The following PBX1 variants were observed in gnomAD, a reference collection of about 807,000 sequenced individuals.
The protein encoded by PBX1 is pre-B-cell leukemia transcription factor 1.
Under a neutral mutation model 53.4 loss-of-function variants are expected in PBX1, and 6 were observed. The observed-to-expected ratio is 0.11, with a 90% CI of 0.06 to 0.22. The LOEUF (loss-of-function observed/expected upper bound fraction) is 0.22, where lower values mean the gene tolerates loss of function less well. Ranked by LOEUF, PBX1 falls within the 10% of genes least tolerant of loss-of-function variation. PBX1 has a pLI of 1.00. For synonymous variants in PBX1, 204 were observed against 212.3 expected, an observed-to-expected ratio of 0.96 and a Z score of 0.34; for missense variants, 251 against 551.4, an observed-to-expected ratio of 0.46 and a Z score of 5.46.
intron 2 of PBX1, among the ~76,000 whole-genome samples, chr1:164,782,920 C>G (rs1200581867): frequency 6.6e-6 from 1 of 152,176 alleles, no homozygotes; most frequent in Non-Finnish European, 1.5e-5. Context: ...CATGCTTCCT[C>G]AAACCTTTGA....
chr1:164,679,480 A>G (rs1275932081), intron 2 of PBX1, among the ~76,000 whole-genome samples: 2 of 152,120 alleles, frequency 1.3e-5, no homozygotes, highest in Non-Finnish European at 2.9e-5. Flanking sequence ...AGGTGATGGG[A>G]CACAGTGTAT....
At chr1:164,633,420 G>C (rs1422552406) in intron 2 of PBX1, among the ~76,000 whole-genome samples, 3 of 152,172 alleles carry the variant, frequency 2.0e-5, no homozygotes, top group Non-Finnish European at 4.4e-5. Context: ...AAAGTGCTAG[G>C]ATTACAGGCG....
At chr1:164,734,900 T>C (rs530139308) in intron 2 of PBX1, among the ~76,000 whole-genome samples, 2 of 152,174 alleles carry the variant, frequency 1.3e-5, no homozygotes, top group Admixed American at 6.5e-5. Flanking sequence ...AGAGATAATA[T>C]TATGACTTAT....
chr1:164,745,845 A>G (rs1422116682), intron 2 of PBX1, among the ~76,000 whole-genome samples: 1 of 152,148 alleles, frequency 6.6e-6, no homozygotes, highest in African/African-American at 2.4e-5. Flanking sequence ...AACGTAACTG[A>G]CCTGACATTG....
At chr1:164,803,204 C>T (rs1669173119) in intron 4 of PBX1, among the ~76,000 whole-genome samples, 1 of 152,232 alleles carries the variant, frequency 6.6e-6, no homozygotes, top group South Asian at 2.1e-4. Context: ...GAAAAAAGTG[C>T]ATATAAAGGT....
At chr1:164,699,523 T>G (rs1361437823) in intron 2 of PBX1, among the ~76,000 whole-genome samples, 1 of 152,084 alleles carries the variant, frequency 6.6e-6, no homozygotes, top group African/African-American at 2.4e-5. Flanking sequence ...GAACAGGGTG[T>G]CACACATGTG....
intron 8 of PBX1, among the ~76,000 whole-genome samples, chr1:164,823,217 C>T (rs979928881): frequency 5.3e-5 from 8 of 152,096 alleles, no homozygotes; most frequent in African/African-American, 1.9e-4. Flanking sequence ...ACTACATTAA[C>T]TATTAGTACT....
intron 2 of PBX1, among the ~76,000 whole-genome samples, chr1:164,632,682 T>TA (rs1406828155): frequency 1.3e-5 from 2 of 152,262 alleles, no homozygotes; most frequent in East Asian, 3.9e-4. Context: ...CCAGCACACT[T>TA]ATATCTAGGC....
At chr1:164,582,571 T>C (rs1473225454) in intron 2 of PBX1, among the ~76,000 whole-genome samples, 1 of 151,990 alleles carries the variant, frequency 6.6e-6, no homozygotes, top group African/African-American at 2.4e-5. Context: ...TACAGGCACA[T>C]GCCACCACAC....
At chr1:164,629,721 T>G (rs1045265919) in intron 2 of PBX1, among the ~76,000 whole-genome samples, 4 of 152,240 alleles carry the variant, frequency 2.6e-5, no homozygotes, top group Non-Finnish European at 5.9e-5. Flanking sequence ...CTGCAACATT[T>G]CTGTAAAAAG....
Position 164,627,372 on chromosome 1 carries a change from G to C in PBX1, c.265+64061G>C, listed in dbSNP as rs150208830. On this transcript the variant is annotated intron_variant, in intron 2 of 8. Coordinates refer to ENST00000420696, the MANE Select transcript of PBX1 (RefSeq NM_002585.4). The stretch of plus-strand genomic sequence containing the variant: ...ATAAATGCTCTATTGATTTTTGAGT[G>C]TGTTGGTACCGATGTGTGGCCGGCA... Among the ~76,000 whole-genome samples, 540 of 152,254 alleles carry C rather than the reference G, an allele frequency of 3.5e-3. 4 individuals carry two copies. The highest frequency in any genetic ancestry group is 0.013 in the African/African-American group (520 of 41,552).
rs879536890 is a variant in PBX1, at chr1:164,559,303, C to A, written c.-520C>A. Reference sequence around the variant, plus strand: ...ATCTGGCTTTTGCAACAGCCCACCCCCTTTGAGATCACTCTGGCCCGGAGT... The same window carrying A: ...ATCTGGCTTTTGCAACAGCCCACCCACTTTGAGATCACTCTGGCCCGGAGT... On this transcript the variant is annotated 5_prime_UTR_variant, in exon 1 of 9. Transcript: ENST00000420696. 11 of 195,298 alleles carry A rather than the reference C, an allele frequency of 5.6e-5. No individual in the cohort carries two copies. Among genetic ancestry groups the A allele is most frequent in the Admixed American group, 1.2e-4 (2 of 16,324 alleles). 12.1% of individuals were successfully genotyped at this position (195,298 alleles called of 1,614,324 possible). A position where few individuals can be genotyped will look rare whatever the true frequency, so the allele number is the denominator to read the frequency against.
intron 2 of PBX1, among the ~76,000 whole-genome samples, chr1:164,779,201 T>C (rs762682926): frequency 2.6e-5 from 4 of 151,896 alleles, no homozygotes; most frequent in Non-Finnish European, 5.9e-5. Flanking sequence ...ATTTAGTTCT[T>C]CTCTACCACA....
chr1:164,754,798 C>G (rs905057031), intron 2 of PBX1, among the ~76,000 whole-genome samples: 1 of 152,026 alleles, frequency 6.6e-6, no homozygotes, highest in African/African-American at 2.4e-5. Context: ...TACTCCAGCT[C>G]CTCTGAAGTT....
intron 2 of PBX1, among the ~76,000 whole-genome samples, chr1:164,603,929 AT>A (rs71583414): frequency 1.7e-3 from 128 of 75,692 alleles, no homozygotes; most frequent in African/African-American, 7.5e-3. Context: ...ATGTCATTTC[AT>A]TTTTTTTTTT....
chr1:164,863,368 C>A (rs1298463408), intron 2 of PBX1, among the ~76,000 whole-genome samples: 1 of 152,134 alleles, frequency 6.6e-6, no homozygotes, highest in African/African-American at 2.4e-5. Context: ...AGGTATTGTT[C>A]CTCTAATCAA....
chr1:164,668,672 C>T (rs759858015), intron 2 of PBX1, among the ~76,000 whole-genome samples: 1 of 152,212 alleles, frequency 6.6e-6, no homozygotes, highest in African/African-American at 2.4e-5. Context: ...CTTCCCCAGG[C>T]GCAGCCAACA....
chr1:164,690,827 G>C (rs1662428986), intron 2 of PBX1, among the ~76,000 whole-genome samples: 1 of 151,588 alleles, frequency 6.6e-6, no homozygotes, highest in Non-Finnish European at 1.5e-5. Flanking sequence ...TGACAACACA[G>C]GTAGACTAGG....
intron 2 of PBX1, among the ~76,000 whole-genome samples, chr1:164,599,679 G>A (rs1656030832): frequency 6.6e-6 from 1 of 152,128 alleles, no homozygotes; most frequent in South Asian, 2.1e-4. Flanking sequence ...CTCATTTCTT[G>A]CTCTGTTATA....
Sources: allele counts gnomAD v4.1 joint callset (sites outside exome capture counted in the v4.1 genomes callset), GRCh38; gene constraint gnomAD v4.1.1; transcripts MANE v1.5; gene names NCBI Gene and HGNC (gene_info 2026-07-23, HGNC 2026-07-21).